Variants in CAAP1 observed in about 807,000 individuals in gnomAD.
CAAP1 encodes caspase activity and apoptosis inhibitor 1, also known as conserved anti-apoptotic protein.
A neutral mutation model predicts 34.0 loss-of-function variants in CAAP1; 20 were observed. That is an observed-to-expected ratio of 0.59 (90% CI 0.41 to 0.86). The LOEUF is 0.86. Ranked by LOEUF, CAAP1 falls within the 40% of genes least tolerant of loss-of-function variation. The pLI is 0.00. For missense variants in CAAP1, 538 were observed against 450.5 expected (o/e 1.19, Z -1.76); for synonymous variants, 213 against 166.7 (o/e 1.28, Z -2.14).
chr9:26,872,405 A>G (rs555655243), intron 4 of CAAP1, among the ~76,000 whole-genome samples: 66 of 152,124 alleles, frequency 4.3e-4, no homozygotes, highest in Non-Finnish European at 7.3e-4. Context: ...GTAGTAACTA[A>G]TAACTACATG....
chr9:26,892,325 C>T lies in CAAP1; in HGVS notation c.303+88G>A, dbSNP rs548812964. The T allele has an allele frequency of 1.1e-5, 17 of 1,554,610 alleles. No homozygotes were observed. In the East Asian group the frequency reaches 4.0e-4, roughly 37 times the overall value. On this transcript the variant is annotated intron_variant, in intron 1 of 5. Coordinates refer to ENST00000333916, the MANE Select transcript of CAAP1 (RefSeq NM_024828.4). ...TTGAGATTGCCGCGCTAGCAGTGAG[C>T]TCCAGCCTGCGCCCCATCCCTCTGG...
At chr9:26,857,883 A>T (rs2131306416) in intron 5 of CAAP1, among the ~76,000 whole-genome samples, 1 of 152,222 alleles carries the variant, frequency 6.6e-6, no homozygotes, top group African/African-American at 2.4e-5. Context: ...TAGACAAAAA[A>T]ATGCCAATTT....
intron 1 of CAAP1, among the ~76,000 whole-genome samples, chr9:26,888,355 G>C (rs1003438644): frequency 2.0e-5 from 3 of 152,104 alleles, no homozygotes; most frequent in Non-Finnish European, 4.4e-5. Context: ...CCTTCCTTCA[G>C]CTCATAGAAG....
At position 26,871,604 on chromosome 9, in the gene CAAP1, T is replaced by C. The variant is rs925094885; in HGVS notation, c.666-10465A>G. Among the ~76,000 whole-genome samples, 3 of 136,792 alleles carry C rather than the reference T, an allele frequency of 2.2e-5. No homozygotes were observed. In the East Asian group the frequency reaches 6.5e-4, roughly 30 times the overall value. 89.7% of individuals were successfully genotyped at this position (136,792 alleles called of 152,430 possible). A position where few individuals can be genotyped will look rare whatever the true frequency, so the allele number is the denominator to read the frequency against. The stretch of plus-strand genomic sequence containing the variant: ...AAAAAAAAAAAAAAAAGATGGTGAG[T>C]AGCTGTGTTATAATAGCTCAGCAGA... On this transcript the variant is annotated intron_variant, in intron 4 of 5. Transcript: ENST00000333916.
chr9:26,888,132 A>G (rs975385475), intron 1 of CAAP1, among the ~76,000 whole-genome samples: 1 of 152,320 alleles, frequency 6.6e-6, no homozygotes, highest in South Asian at 2.1e-4. Context: ...TAGCCATTTA[A>G]TGGGACTCCC....
In CAAP1 at chr9:26,859,426, C is replaced by A. The variant is rs894809073; in HGVS notation, c.739+1640G>T. 4.4e-4 allele frequency among the ~76,000 whole-genome samples: 67 copies of A among 152,130 alleles called. 2 individuals are homozygous for A. The highest frequency in any genetic ancestry group is 1.6e-3 in the African/African-American group (65 of 41,436). On this transcript the variant is annotated intron_variant, in intron 5 of 5. Coordinates refer to ENST00000333916, the MANE Select transcript of CAAP1 (RefSeq NM_024828.4). The stretch of plus-strand genomic sequence containing the variant: ...CATTGGCTAATTTGTGGTCTCCATT[C>A]CTTTTTCCTAGGAACTGGAAATCAA...
intron 1 of CAAP1, among the ~76,000 whole-genome samples, 165 bp from the exon 2 acceptor site, chr9:26,887,678 A>T (rs999773188): frequency 6.6e-6 from 1 of 152,190 alleles, no homozygotes; most frequent in African/African-American, 2.4e-5. Flanking sequence ...TCTGTTTAAT[A>T]TTACTTGATT....
At chr9:26,875,346 A>T (rs1823402030) in intron 4 of CAAP1, among the ~76,000 whole-genome samples, 1 of 152,142 alleles carries the variant, frequency 6.6e-6, no homozygotes, top group African/African-American at 2.4e-5. Context: ...AGATCACACC[A>T]CTGCACTCCA....
At chr9:26,866,974 G>T (rs1474953351) in intron 4 of CAAP1, among the ~76,000 whole-genome samples, 1 of 152,134 alleles carries the variant, frequency 6.6e-6, no homozygotes, top group African/African-American at 2.4e-5. Context: ...ACAGTAGGAG[G>T]TGAGCGGTGG....
chr9:26,854,825 G>A (rs113381105), intron 5 of CAAP1, among the ~76,000 whole-genome samples: 1,706 of 152,282 alleles, frequency 0.011, 33 homozygotes, highest in African/African-American at 0.039. Flanking sequence ...TTAGGGAATT[G>A]CATAAGAAAC....
intron 5 of CAAP1, among the ~76,000 whole-genome samples, chr9:26,853,312 T>C (rs1037711122): frequency 6.6e-5 from 10 of 152,230 alleles, no homozygotes; most frequent in African/African-American, 1.9e-4. Flanking sequence ...AAGGTATTGC[T>C]GTTTTTATGT....
At position 26,843,648 on chromosome 9, in the gene CAAP1, G is replaced by A. The variant is rs181104926; in HGVS notation, c.740-1001C>T. Among the ~76,000 whole-genome samples the A allele has an allele frequency of 7.1e-4, 108 of 151,750 alleles. 2 individuals are homozygous for A. The highest frequency in any genetic ancestry group is 2.5e-3 in the African/African-American group (104 of 41,362). ...AAAATGTTAGCTTTCCCTAATATAA[G>A]AAAGCTTTGATAGCGCTTTCCTTAC... On this transcript the variant is annotated intron_variant, in intron 5 of 5. Transcript: ENST00000333916.
At chr9:26,881,166 G>T (rs540942025) in intron 4 of CAAP1, among the ~76,000 whole-genome samples, 20 of 152,234 alleles carry the variant, frequency 1.3e-4, no homozygotes, top group Admixed American at 2.6e-4. Flanking sequence ...TAGAGACAGG[G>T]TCTCACTATG....
intron 4 of CAAP1, among the ~76,000 whole-genome samples, chr9:26,884,346 A>G (rs1823674223): frequency 6.6e-6 from 1 of 152,194 alleles, no homozygotes; most frequent in South Asian, 2.1e-4. Flanking sequence ...ATATACATTT[A>G]TAGGTAAAAT....
At chr9:26,873,279 T>C (rs1823325408) in intron 4 of CAAP1, among the ~76,000 whole-genome samples, 1 of 152,176 alleles carries the variant, frequency 6.6e-6, no homozygotes, top group South Asian at 2.1e-4. Flanking sequence ...TAACTTATTT[T>C]GAGAACTTGA....
At chr9:26,852,283 G>C (rs772846806) in intron 5 of CAAP1, among the ~76,000 whole-genome samples, 1 of 151,970 alleles carries the variant, frequency 6.6e-6, no homozygotes. Context: ...GTGAAACGCC[G>C]TCTCTATTAA....
chr9:26,855,594 C>CA lies in CAAP1; in HGVS notation c.739+5471dup, dbSNP rs897251187. On this transcript the variant is annotated intron_variant, in intron 5 of 5. Coordinates refer to ENST00000333916, the MANE Select transcript of CAAP1 (RefSeq NM_024828.4). ...TTTTCTGTAAACCTAAAGCTGCTAC[C>CA]AAAAAAAAAGCCTTTAATAAAAAAT... is the stretch of plus-strand genomic sequence containing the variant. Among the ~76,000 whole-genome samples, 11 of 148,582 alleles carry CA rather than the reference C, an allele frequency of 7.4e-5. No homozygotes were observed. In the South Asian group the frequency reaches 1.7e-3, roughly 23 times the overall value.
At chr9:26,885,661 G>A (rs7026496) in intron 3 of CAAP1, among the ~76,000 whole-genome samples, 6,425 of 152,116 alleles carry the variant, frequency 0.042, 461 homozygotes, top group African/African-American at 0.15. Context: ...TCACACTACA[G>A]GCAGACAAAC....
chr9:26,860,349 G>A (rs1437062765), intron 5 of CAAP1, among the ~76,000 whole-genome samples: 1 of 152,112 alleles, frequency 6.6e-6, no homozygotes, highest in African/African-American at 2.4e-5. Context: ...TTTAAAGAAA[G>A]CAATAAATGA....
Sources: gnomAD v4.1 joint callset for allele counts (sites outside exome capture counted in the v4.1 genomes callset) on GRCh38, gnomAD v4.1.1 for gene constraint, MANE v1.5 for transcripts, NCBI Gene and HGNC (gene_info 2026-07-23, HGNC 2026-07-21) for gene names.